The following FEZ2 variants were observed in gnomAD, a reference collection of about 807,000 sequenced individuals.
The protein encoded by FEZ2 is fasciculation and elongation protein zeta-2.
A neutral mutation model predicts 40.4 loss-of-function variants in FEZ2; 51 were observed. The ratio of observed to expected loss-of-function variants is 1.26; its 90% confidence interval spans 1.01 to 1.59. FEZ2 has a LOEUF of 1.59. Ranked by LOEUF, FEZ2 falls within the 40% of genes most tolerant of loss-of-function variation. The probability of loss-of-function intolerance (pLI) is 0.00; values close to 1 mark genes in which losing one functional copy is unlikely to be tolerated. For synonymous variants in FEZ2, 242 were observed against 172.0 expected, an observed-to-expected ratio of 1.41 and a Z score of -3.18; for missense variants, 640 against 438.3, an observed-to-expected ratio of 1.46 and a Z score of -4.11.
intron 5 of FEZ2, among the ~76,000 whole-genome samples, chr2:36,571,065 G>T (rs1668395183): frequency 6.6e-6 from 1 of 152,148 alleles, no homozygotes; most frequent in Non-Finnish European, 1.5e-5. Context: ...AAAAACCATT[G>T]CAGAAAACAA....
intron 5 of FEZ2, among the ~76,000 whole-genome samples, chr2:36,567,361 T>C (rs1668275105): frequency 6.6e-6 from 1 of 152,104 alleles, no homozygotes; most frequent in Non-Finnish European, 1.5e-5. Flanking sequence ...ACAACGGAGT[T>C]CTGGAAAAGT....
intron 5 of FEZ2, among the ~76,000 whole-genome samples, chr2:36,577,036 G>A (rs1434622722): frequency 1.3e-5 from 2 of 152,132 alleles, no homozygotes; most frequent in Non-Finnish European, 2.9e-5. Flanking sequence ...AATTTAAAGG[G>A]TGCCAGTTCT....
chr2:36,578,193 A>C (rs1301023984), intron 5 of FEZ2, among the ~76,000 whole-genome samples: 1 of 152,214 alleles, frequency 6.6e-6, no homozygotes, highest in South Asian at 2.1e-4. Context: ...AACCCCTTCT[A>C]ATTTCTTATC....
Position 36,583,439 on chromosome 2 carries a change from C to T in FEZ2, c.406G>A (p.Asp136Asn). The T allele has an allele frequency of 6.2e-7, 1 of 1,604,582 alleles. No homozygotes were observed. Among genetic ancestry groups the T allele is most frequent in the Non-Finnish European group, 8.5e-7 (1 of 1,171,400 alleles). The change falls in exon 3 of 8, where the codon GAT becomes AAT. Residue 136 changes from aspartate (D) to asparagine (N), a missense_variant. Transcript: ENST00000405912. Reference protein sequence around the residue: ...VSDSLLFDTSDDEELREQLDM... With the variant: ...VSDSLLFDTSNDEELREQLDM... ...AGCTGTTCTCTCAGCTCTTCATCATCTGATGTATCAAAGAGCAAACTGTCA... is the reference window on the plus strand; with the variant it reads ...AGCTGTTCTCTCAGCTCTTCATCATTTGATGTATCAAAGAGCAAACTGTCA...
intron 5 of FEZ2, among the ~76,000 whole-genome samples, chr2:36,577,467 T>TG (rs532548822): frequency 2.1e-3 from 326 of 152,322 alleles, no homozygotes; most frequent in Non-Finnish European, 3.9e-3. Flanking sequence ...ATGTTGAGGC[T>TG]GGTCTCGAAC....
chr2:36,573,055 T>A (rs1668461700), intron 5 of FEZ2, among the ~76,000 whole-genome samples: 1 of 152,164 alleles, frequency 6.6e-6, no homozygotes, highest in African/African-American at 2.4e-5. Flanking sequence ...CGTATAAACT[T>A]TTTCAGGGTT....
chr2:36,597,054 T>C (rs1669245843), intron 1 of FEZ2, among the ~76,000 whole-genome samples: 1 of 152,140 alleles, frequency 6.6e-6, no homozygotes, highest in Admixed American at 6.5e-5. Context: ...TACTTGTGTA[T>C]GCCTTGGTCT....
chr2:36,580,408 A>G (rs909852181), intron 4 of FEZ2, among the ~76,000 whole-genome samples: 1 of 152,238 alleles, frequency 6.6e-6, no homozygotes, highest in African/African-American at 2.4e-5. Context: ...CGAGTTGAGC[A>G]GATACAGACC....
intron 7 of FEZ2, chr2:36,554,274 G>C (rs1391572159): frequency 8.5e-6 from 4 of 471,008 alleles, no homozygotes; most frequent in Non-Finnish European, 1.8e-5. Context: ...TAGGTTTTCA[G>C]AGTAAAGAAT....
intron 5 of FEZ2, among the ~76,000 whole-genome samples, chr2:36,577,181 C>T (rs916922186): frequency 4.6e-5 from 7 of 151,782 alleles, no homozygotes; most frequent in Non-Finnish European, 8.8e-5. Flanking sequence ...TAAATAAACA[C>T]CTATTCAATC....
chr2:36,554,459 A>T (rs758627302), intron 7 of FEZ2, among the ~76,000 whole-genome samples: 52 of 152,126 alleles, frequency 3.4e-4, no homozygotes, highest in Admixed American at 3.3e-3. Flanking sequence ...TGTTCGTCTC[A>T]TTCCTGTTTC....
chr2:36,588,090 G>A (rs1375647326), intron 2 of FEZ2, among the ~76,000 whole-genome samples: 6 of 151,898 alleles, frequency 4.0e-5, no homozygotes, highest in East Asian at 3.9e-4. Context: ...GTGCAGTGGC[G>A]TGATCTCGGC....
intron 5 of FEZ2, chr2:36,558,896 T>TA (rs1668024127): frequency 6.5e-6 from 1 of 154,950 alleles, no homozygotes; most frequent in South Asian, 2.0e-4. Context: ...ACTAAAAACA[T>TA]AGTTTTAACA....
rs145067046 is a variant in FEZ2, at chr2:36,584,816, A to C, written c.376-1347T>G. Among the ~76,000 whole-genome samples the C allele has an allele frequency of 8.5e-5, 13 of 152,284 alleles. No individual in the cohort carries two copies. In the East Asian group the frequency reaches 2.5e-3, roughly 29 times the overall value. On this transcript the variant is annotated intron_variant, in intron 2 of 7. Coordinates refer to ENST00000405912, the MANE Select transcript of FEZ2 (RefSeq NM_005102.3). ...CATGAGCATCTGAAGTTTGCAGGTG[A>C]ACACAGCCTACAGAGTAAGAAACCT...
intron 4 of FEZ2, 157 bp from the exon 5 acceptor site, chr2:36,579,022 T>C: frequency 3.2e-6 from 2 of 628,176 alleles, no homozygotes; most frequent in Non-Finnish European, 5.5e-6. Flanking sequence ...GTGGGTGATC[T>C]TCTCAGAATT....
chr2:36,572,611 G>C (rs1163778341), intron 5 of FEZ2, among the ~76,000 whole-genome samples: 1 of 152,128 alleles, frequency 6.6e-6, no homozygotes, highest in African/African-American at 2.4e-5. Context: ...ATATATAAAT[G>C]AATGAACATA....
chr2:36,583,907 G>A (rs79117325), intron 2 of FEZ2: 2,032 of 162,524 alleles, frequency 0.013, 49 homozygotes, highest in African/African-American at 0.046. Context: ...CCTGAAAGGC[G>A]GGATCTGTCC....
intron 7 of FEZ2, among the ~76,000 whole-genome samples, chr2:36,555,118 C>G (rs1667922111): frequency 6.6e-6 from 1 of 152,198 alleles, no homozygotes; most frequent in Admixed American, 6.5e-5. Flanking sequence ...CATCAATATT[C>G]CCACCCTGTG....
chr2:36,576,845 G>A (rs1668586793), intron 5 of FEZ2, among the ~76,000 whole-genome samples: 1 of 152,108 alleles, frequency 6.6e-6, no homozygotes, highest in Non-Finnish European at 1.5e-5. Context: ...TTTTTACATG[G>A]GAGTTACAAA....
Sources: allele counts gnomAD v4.1 joint callset (sites outside exome capture counted in the v4.1 genomes callset), GRCh38; gene constraint gnomAD v4.1.1; transcripts MANE v1.5; gene names NCBI Gene and HGNC (gene_info 2026-07-23, HGNC 2026-07-21).